Variants in RNF216 observed in about 807,000 individuals in gnomAD.
RNF216 encodes ring finger protein 216.
Under a neutral mutation model 110.8 loss-of-function variants are expected in RNF216, and 72 were observed. The ratio of observed to expected loss-of-function variants is 0.65; its 90% confidence interval spans 0.54 to 0.79. The LOEUF (loss-of-function observed/expected upper bound fraction) is 0.79, where lower values mean the gene tolerates loss of function less well. RNF216 is among the 30% of genes least tolerant of loss of function. The pLI is 0.00. For synonymous variants in RNF216, 495 were observed against 407.5 expected (o/e 1.21, Z -2.59); for missense variants, 1,342 against 1,141.2 (o/e 1.18, Z -2.54).
chr7:5,643,138 CATTGCTGAAATGTTAAACAGCTATTCAAT>C (rs1440060081), intron 14 of RNF216, among the ~76,000 whole-genome samples: 15 of 152,250 alleles, frequency 9.9e-5, no homozygotes, highest in East Asian at 3.9e-4. Context: ...TGCAACTCAA[CATTGCTGAAATGTTAAACAGCTATTCAAT>C]ATTGCTGAAA....
At chr7:5,639,885 G>A (rs191199800) in intron 15 of RNF216, among the ~76,000 whole-genome samples, 2 of 151,692 alleles carry the variant, frequency 1.3e-5, no homozygotes, top group African/African-American at 4.8e-5. Flanking sequence ...TCAACCTCCT[G>A]AGTAGCTGGG....
chr7:5,722,278 T>C (rs1461542168), intron 8 of RNF216, among the ~76,000 whole-genome samples: 2 of 152,140 alleles, frequency 1.3e-5, no homozygotes, highest in African/African-American at 2.4e-5. Flanking sequence ...TTTACTCTTG[T>C]CTGTTCTTGG....
At chr7:5,715,234 G>T in intron 10 of RNF216, 44 bp from the exon 11 acceptor site, 1 of 1,582,080 alleles carries the variant, frequency 6.3e-7, no homozygotes, top group South Asian at 1.1e-5. Flanking sequence ...CTGCACTTAA[G>T]GAGAGGGGGA....
rs779504690 is a variant in RNF216, at chr7:5,641,292, C to T, written c.2244G>A (p.Met748Ile). 1 of 1,614,180 alleles carries T rather than the reference C, an allele frequency of 6.2e-7. No homozygotes were observed. The highest frequency in any genetic ancestry group is 1.1e-5 in the South Asian group (1 of 91,090). ...GLIKSEGCNR[M>I]SCRCGAQMCY... ...ACATCTGGGCACCACAGCGGCAAGACATGCGGTTGCAGCCTTCAGATTTGA... is the reference window on the plus strand; with the variant it reads ...ACATCTGGGCACCACAGCGGCAAGATATGCGGTTGCAGCCTTCAGATTTGA... Residue 748 changes from methionine to isoleucine, a missense_variant, in exon 15 of 17, where the codon ATG (methionine) becomes ATA (isoleucine). Transcript: ENST00000389902.
At chr7:5,672,944 A>G (rs1790016409) in intron 13 of RNF216, among the ~76,000 whole-genome samples, 1 of 152,150 alleles carries the variant, frequency 6.6e-6, no homozygotes, top group Non-Finnish European at 1.5e-5. Context: ...GAAAATGTAC[A>G]AAAAAAGTAC....
In RNF216 at chr7:5,680,667, G is replaced by A. The variant is rs1584439451; in HGVS notation, c.2062-28157C>T. On this transcript the variant is annotated intron_variant, in intron 13 of 16. Transcript: ENST00000389902. The surrounding 1 kb of genome is among the most constrained non-coding windows in gnomAD (Gnocchi z 4.3). ...TCTGCCCGACTCGGCCTCCCAAAGT[G>A]CTGGGATTACAGGTGTGAGCCACCG... is the stretch of plus-strand genomic sequence containing the variant. Among the ~76,000 whole-genome samples, 1 of 152,076 alleles carries A rather than the reference G, an allele frequency of 6.6e-6. No homozygotes were observed. Among genetic ancestry groups the A allele is most frequent in the African/African-American group, 2.4e-5 (1 of 41,402 alleles).
At chr7:5,740,275 C>T (rs1273405750) in intron 4 of RNF216, among the ~76,000 whole-genome samples, 2 of 151,702 alleles carry the variant, frequency 1.3e-5, no homozygotes, top group African/African-American at 2.4e-5. Context: ...TACAGGCGCC[C>T]GCCACCACGC....
At chr7:5,707,589 CT>C (rs1792372771) in intron 13 of RNF216, among the ~76,000 whole-genome samples, 1 of 151,902 alleles carries the variant, frequency 6.6e-6, no homozygotes, top group Non-Finnish European at 1.5e-5. Context: ...GATATAGATG[CT>C]TTTGCTTTTT....
At chr7:5,631,000 C>T (rs920626890) in intron 15 of RNF216, among the ~76,000 whole-genome samples, 1 of 152,062 alleles carries the variant, frequency 6.6e-6, no homozygotes, top group African/African-American at 2.4e-5. Flanking sequence ...GGGCTGGGAG[C>T]GTGTGTCAGA....
At chr7:5,745,206 C>A (rs111595620) in intron 3 of RNF216, among the ~76,000 whole-genome samples, 1 of 152,148 alleles carries the variant, frequency 6.6e-6, no homozygotes, top group African/African-American at 2.4e-5. Context: ...CAATAACTTA[C>A]CAACTAAGAG....
intron 14 of RNF216, among the ~76,000 whole-genome samples, chr7:5,648,760 C>T (rs896537257): frequency 2.7e-5 from 4 of 149,444 alleles, no homozygotes; most frequent in Admixed American, 1.3e-4. Context: ...AAAAAGAAAA[C>T]GCAGGGGACA....
intron 12 of RNF216, 76 bp from the exon 13 acceptor site, chr7:5,711,915 C>A: frequency 1.5e-6 from 2 of 1,311,566 alleles, no homozygotes; most frequent in South Asian, 2.5e-5. Context: ...TGTGGCTGTT[C>A]ATATGAAGAT....
At chr7:5,714,700 T>C (rs963460958) in intron 11 of RNF216, among the ~76,000 whole-genome samples, 31 of 152,254 alleles carry the variant, frequency 2.0e-4, no homozygotes, top group Non-Finnish European at 2.9e-5. Context: ...GAGAGAAATA[T>C]GATCTTGTGT....
intron 13 of RNF216, among the ~76,000 whole-genome samples, chr7:5,654,110 A>C (rs1202458601): frequency 1.3e-5 from 2 of 152,096 alleles, no homozygotes; most frequent in Admixed American, 1.3e-4. Flanking sequence ...GAACGTGCAA[A>C]AGACAGAAGC....
intron 13 of RNF216, among the ~76,000 whole-genome samples, chr7:5,699,943 T>C (rs990977206): frequency 7.9e-5 from 12 of 152,192 alleles, no homozygotes; most frequent in East Asian, 1.9e-4. Context: ...AGCTACCACA[T>C]TGCAACTGGA....
At chr7:5,678,084 T>G (rs1198091878) in intron 13 of RNF216, among the ~76,000 whole-genome samples, 1 of 152,130 alleles carries the variant, frequency 6.6e-6, no homozygotes, top group Non-Finnish European at 1.5e-5. Context: ...TTCAGAGATG[T>G]GCACTCCAAT....
chr7:5,736,657 T>C (rs1486812919), intron 5 of RNF216, among the ~76,000 whole-genome samples: 76 of 133,340 alleles, frequency 5.7e-4, no homozygotes, highest in Non-Finnish European at 1.0e-3. Flanking sequence ...CCGGCCACCA[T>C]CCCTTCTAGG....
At chr7:5,646,399 G>GA (rs1279333167) in intron 14 of RNF216, among the ~76,000 whole-genome samples, 19 of 149,386 alleles carry the variant, frequency 1.3e-4, no homozygotes, top group Non-Finnish European at 2.2e-4. Context: ...AAAACAAAAG[G>GA]AAAAAAAAAG....
chr7:5,647,138 A>C (rs1471716384), intron 14 of RNF216, among the ~76,000 whole-genome samples: 1 of 151,766 alleles, frequency 6.6e-6, no homozygotes, highest in African/African-American at 2.4e-5. Context: ...AAAGGGAAAA[A>C]GTTGCCTCTG....
Sources: allele counts gnomAD v4.1 joint callset (sites outside exome capture counted in the v4.1 genomes callset), GRCh38; gene constraint gnomAD v4.1.1; non-coding constraint Gnocchi (gnomAD v3.1); transcripts MANE v1.5; gene names NCBI Gene and HGNC (gene_info 2026-07-23, HGNC 2026-07-21).